Variants in AGBL1 observed in about 807,000 individuals in gnomAD.
The protein encoded by AGBL1 is cytosolic carboxypeptidase 4.
A neutral mutation model predicts 118.9 loss-of-function variants in AGBL1; 130 were observed. That is an observed-to-expected ratio of 1.09 (90% confidence interval 0.95 to 1.26). The LOEUF (loss-of-function observed/expected upper bound fraction) is 1.26, where lower values mean the gene tolerates loss of function less well. Ranked by LOEUF, AGBL1 falls within the 50% of genes most tolerant of loss-of-function variation. The pLI is 0.00. For missense variants in AGBL1, 1,584 were observed against 1,298.1 expected (o/e 1.22, Z -3.38); for synonymous variants, 555 against 478.9 (o/e 1.16, Z -2.08).
At chr15:86,794,830 A>T (rs1442658888) in intron 22 of AGBL1, among the ~76,000 whole-genome samples, 1 of 152,218 alleles carries the variant, frequency 6.6e-6, no homozygotes, top group Non-Finnish European at 1.5e-5. Context: ...AGTGCTAAGC[A>T]CAGTGCTGTA....
At chr15:86,668,652 G>T (rs1325614680) in intron 21 of AGBL1, among the ~76,000 whole-genome samples, 1 of 152,120 alleles carries the variant, frequency 6.6e-6, no homozygotes, top group Non-Finnish European at 1.5e-5. Context: ...GCCAGAGGTT[G>T]TTGTAAGACT....
Position 86,289,089 on chromosome 15 carries a change from A to G in AGBL1, c.2221-6166A>G, listed in dbSNP as rs74870622. ...CAGAGGCAAACAAAATAAAGAGATA[A>G]TTTAAGAGCATTTCTCATACACATT... On this transcript the variant is annotated intron_variant, in intron 16 of 22. Coordinates refer to ENST00000614907, the MANE Select transcript of AGBL1 (RefSeq NM_001386094.1). Among the ~76,000 whole-genome samples, 1,410 of 152,292 alleles carry G rather than the reference A, an allele frequency of 9.3e-3. 29 individuals are homozygous for G. The highest frequency in any genetic ancestry group is 0.032 in the African/African-American group (1,349 of 41,570).
At chr15:86,493,669 C>A (rs1021105028) in intron 18 of AGBL1, among the ~76,000 whole-genome samples, 2 of 152,032 alleles carry the variant, frequency 1.3e-5, no homozygotes, top group East Asian at 3.9e-4. Context: ...CACTTTCTTC[C>A]GTAATGCTGT....
intron 22 of AGBL1, among the ~76,000 whole-genome samples, chr15:86,773,321 A>G (rs2141292289): frequency 6.6e-6 from 1 of 152,146 alleles, no homozygotes; most frequent in Middle Eastern, 3.4e-3. Context: ...TAGCTGAACC[A>G]AGCCTCGAAG....
At chr15:87,006,036 T>A (rs2141770934) in intron 24 of AGBL1, among the ~76,000 whole-genome samples, 1 of 152,306 alleles carries the variant, frequency 6.6e-6, no homozygotes, top group East Asian at 1.9e-4. Flanking sequence ...AAAGTTGCTG[T>A]CTGATCTTTC....
intron 23 of AGBL1, among the ~76,000 whole-genome samples, chr15:86,968,161 A>G (rs2081073239): frequency 6.6e-6 from 1 of 151,888 alleles, no homozygotes. Context: ...AGGGTCACCC[A>G]AAATCATTTG....
intron 18 of AGBL1, among the ~76,000 whole-genome samples, chr15:86,520,461 T>A (rs980595574): frequency 6.6e-6 from 1 of 152,194 alleles, no homozygotes; most frequent in Non-Finnish European, 1.5e-5. Flanking sequence ...GCTTCTGGTT[T>A]CAGCACAAAA....
At position 86,538,637 on chromosome 15, in the gene AGBL1, C is replaced by T. The variant is rs141828627; in HGVS notation, c.2686-7365C>T. On this transcript the variant is annotated intron_variant, in intron 19 of 22. Coordinates refer to ENST00000614907, the MANE Select transcript of AGBL1 (RefSeq NM_001386094.1). Reference sequence around the variant, plus strand: ...CTGTTTTGGGTTTCCATCATATTCTCAAATATATCTCCTCTAGGCTTCAGC... The same window carrying T: ...CTGTTTTGGGTTTCCATCATATTCTTAAATATATCTCCTCTAGGCTTCAGC... Among the ~76,000 whole-genome samples the T allele has an allele frequency of 2.0e-5, 3 of 152,314 alleles. No homozygotes were observed. The East Asian group carries it at 5.8e-4, about 29-fold the overall frequency.
chr15:86,446,121 T>C (rs527501471), intron 18 of AGBL1, among the ~76,000 whole-genome samples: 5 of 152,150 alleles, frequency 3.3e-5, no homozygotes, highest in Admixed American at 3.3e-4. Context: ...CTGCTCACCA[T>C]AAGAGAGCCG....
intron 18 of AGBL1, among the ~76,000 whole-genome samples, chr15:86,486,566 G>T (rs1481196873): frequency 6.6e-6 from 1 of 152,154 alleles, no homozygotes; most frequent in African/African-American, 2.4e-5. Context: ...CCCAGAGCAG[G>T]CAAGCAACAG....
chr15:86,116,225 A>C (rs965611958), intron 1 of AGBL1, among the ~76,000 whole-genome samples: 1 of 152,228 alleles, frequency 6.6e-6, no homozygotes, highest in Non-Finnish European at 1.5e-5. Flanking sequence ...CAACCAATCG[A>C]GAACAAAAAT....
At chr15:86,935,275 G>A (rs1042573491) in intron 23 of AGBL1, 2 of 152,216 alleles carry the variant, frequency 1.3e-5, no homozygotes, top group Non-Finnish European at 2.9e-5. Context: ...ACTTGGCAAA[G>A]AGGATAATGC....
At chr15:86,081,235 G>C (rs1956479976) in intron 1 of AGBL1, among the ~76,000 whole-genome samples, 1 of 152,034 alleles carries the variant, frequency 6.6e-6, no homozygotes, top group Non-Finnish European at 1.5e-5. Flanking sequence ...AGTAGAGATG[G>C]GGTTTCACCA....
intron 21 of AGBL1, among the ~76,000 whole-genome samples, chr15:86,632,775 G>A (rs765923919): frequency 9.3e-4 from 136 of 146,786 alleles, no homozygotes; most frequent in Non-Finnish European, 1.6e-3. Context: ...CATGTGTAGT[G>A]TTAGGGATTT....
intron 18 of AGBL1, among the ~76,000 whole-genome samples, chr15:86,458,406 C>G (rs1173993939): frequency 6.6e-6 from 1 of 152,146 alleles, no homozygotes; most frequent in Non-Finnish European, 1.5e-5. Flanking sequence ...AATTTTCTTT[C>G]TCTCTTTACC....
Position 86,872,682 on chromosome 15 carries a change from G to T in AGBL1, c.3159-34405G>T, listed in dbSNP as rs868293439. Among the ~76,000 whole-genome samples the T allele has an allele frequency of 2.0e-5, 3 of 152,174 alleles. No homozygotes were observed. The East Asian group carries it at 5.8e-4, about 29-fold the overall frequency. On this transcript the variant is annotated intron_variant, in intron 22 of 22. Transcript: ENST00000614907. ...GAGGCAGGAGAATCGCTTGAACCTG[G>T]GAGGCAGAGGTTACAGTGAGCTGAG...
At position 86,346,373 on chromosome 15, in the gene AGBL1, G is replaced by C. The variant is rs1247326208; in HGVS notation, c.2374+50965G>C. Among the ~76,000 whole-genome samples the C allele has an allele frequency of 2.7e-4, 39 of 144,780 alleles. 1 individual carries two copies. Among genetic ancestry groups the C allele is most frequent in the Non-Finnish European group, 3.0e-5 (2 of 65,784 alleles). The allele number at this position is 144,780 out of a possible 152,430, so 95.0% of individuals were successfully genotyped here. A position where few individuals can be genotyped will look rare whatever the true frequency, so the allele number is the denominator to read the frequency against. ...CTTTTTCTTTTTTTTTTGAGATGAAGTCTCGCTCTGTTGCCCAGGCTGGGG... is the reference window on the plus strand; with the variant it reads ...CTTTTTCTTTTTTTTTTGAGATGAACTCTCGCTCTGTTGCCCAGGCTGGGG... On this transcript the variant is annotated intron_variant, in intron 17 of 22. Transcript: ENST00000614907.
chr15:86,278,622 T>C (rs2141714211), intron 15 of AGBL1, among the ~76,000 whole-genome samples: 1 of 152,322 alleles, frequency 6.6e-6, no homozygotes, highest in East Asian at 1.9e-4. Flanking sequence ...TACTATTTCT[T>C]CCCTTCCCCT....
intron 6 of AGBL1, among the ~76,000 whole-genome samples, chr15:86,229,006 C>A (rs562340125): frequency 6.6e-6 from 1 of 152,192 alleles, no homozygotes; most frequent in Non-Finnish European, 1.5e-5. Context: ...CTCTCACATG[C>A]ACAAATCCCA....
Sources: allele counts gnomAD v4.1 joint callset (sites outside exome capture counted in the v4.1 genomes callset), GRCh38; gene constraint gnomAD v4.1.1; transcripts MANE v1.5; gene names NCBI Gene and HGNC (gene_info 2026-07-23, HGNC 2026-07-21).